GXYLT2: variants seen among roughly 807,000 people sequenced by gnomAD.
GXYLT2 encodes glycosyltransferase 8 domain containing 4.
A neutral mutation model predicts 45.8 loss-of-function variants in GXYLT2; 53 were observed. That is an observed-to-expected ratio of 1.16 (90% confidence interval 0.93 to 1.46). The LOEUF (loss-of-function observed/expected upper bound fraction) is 1.46. GXYLT2 is among the 40% of genes most tolerant of loss of function. The pLI, the probability that GXYLT2 is intolerant of heterozygous loss-of-function variation, is 0.00. For missense variants in GXYLT2, 551 were observed against 544.4 expected, an observed-to-expected ratio of 1.01 and a Z score of -0.12; for synonymous variants, 219 against 214.2, an observed-to-expected ratio of 1.02 and a Z score of -0.19.
intron 3 of GXYLT2, among the ~76,000 whole-genome samples, chr3:72,924,239 G>A (rs774277497): frequency 6.8e-6 from 1 of 148,082 alleles, no homozygotes; most frequent in Non-Finnish European, 1.5e-5. Context: ...TGTCGCCCCT[G>A]CTGGAGTGCA....
chr3:72,968,872 A>G (rs898598092), intron 6 of GXYLT2, among the ~76,000 whole-genome samples: 1 of 152,146 alleles, frequency 6.6e-6, no homozygotes. Context: ...CTTTCCTAAC[A>G]TGGTGAAACC....
At chr3:72,923,211 C>G in intron 3 of GXYLT2, among the ~76,000 whole-genome samples, 2 of 151,712 alleles carry the variant, frequency 1.3e-5, no homozygotes, top group Admixed American at 1.3e-4. Flanking sequence ...GCCAAGATCA[C>G]GCCACTGCAC....
chr3:72,974,935 C>T (rs752565617), intron 6 of GXYLT2, 42 bp from the exon 7 acceptor site: 1 of 1,391,134 alleles, frequency 7.2e-7, no homozygotes, highest in South Asian at 1.3e-5. Context: ...TTTAAAATGG[C>T]ATTTCCGTTA....
At chr3:72,891,937 G>A (rs1168346182) in intron 1 of GXYLT2, among the ~76,000 whole-genome samples, 2 of 151,924 alleles carry the variant, frequency 1.3e-5, no homozygotes, top group South Asian at 2.1e-4. Flanking sequence ...GATAAAATGA[G>A]AATTGTACTT....
chr3:72,966,298 GTTT>G lies in GXYLT2; in HGVS notation c.977-1238_977-1236del, dbSNP rs10575256. 3.2e-3 allele frequency among the ~76,000 whole-genome samples: 463 copies of G among 144,004 alleles called. 2 individuals carry two copies. Among genetic ancestry groups the G allele is most frequent in the Non-Finnish European group, 5.2e-3 (345 of 65,954 alleles). The allele number at this position is 144,004 out of a possible 152,430, so 94.5% of individuals were successfully genotyped here. A position where few individuals can be genotyped will look rare whatever the true frequency, so the allele number is the denominator to read the frequency against. ...CCAGCCGAAGGTGGGGGTTTTTGCTGTTTTTTTTTTTTTCTTTGGTTTTTTGTT... is the reference window on the plus strand; with the variant it reads ...CCAGCCGAAGGTGGGGGTTTTTGCTGTTTTTTTTTTCTTTGGTTTTTTGTT... On this transcript the variant is annotated intron_variant, in intron 5 of 6. Coordinates refer to ENST00000389617, the MANE Select transcript of GXYLT2 (RefSeq NM_001080393.2).
chr3:72,898,903 G>T (rs561931305), intron 1 of GXYLT2, among the ~76,000 whole-genome samples: 2 of 152,156 alleles, frequency 1.3e-5, no homozygotes, highest in Non-Finnish European at 1.5e-5. Flanking sequence ...GGCTAATTTT[G>T]TATTTTTAGT....
chr3:72,969,988 G>A (rs1710956323), intron 6 of GXYLT2, among the ~76,000 whole-genome samples: 1 of 149,280 alleles, frequency 6.7e-6, no homozygotes, highest in Admixed American at 6.8e-5. Context: ...AGGCTAAGAA[G>A]TGAGAGGATT....
intron 6 of GXYLT2, 43 bp downstream of exon 6, chr3:72,967,762 A>G (rs943031128): frequency 1.3e-6 from 2 of 1,561,498 alleles, no homozygotes; most frequent in African/African-American, 1.4e-5. Flanking sequence ...GCTTATCAGC[A>G]TGAAGCAATA....
intron 6 of GXYLT2, among the ~76,000 whole-genome samples, chr3:72,968,660 G>C (rs1405671191): frequency 2.0e-5 from 3 of 152,232 alleles, no homozygotes; most frequent in Admixed American, 2.0e-4. Flanking sequence ...GGATGCAGTG[G>C]CTCATGCCTG....
Position 72,957,334 on chromosome 3 carries a change from A to AT in GXYLT2, c.964dup (p.Tyr322LeufsTer31). On this transcript the variant is annotated frameshift_variant, in exon 5 of 7. Transcript: ENST00000389617. LOFTEE classifies it high-confidence loss of function. Reference sequence around the variant, plus strand: ...GGGAGACCAGGATTTATTAAATATTATTTTTTATTTCAACCCAGGTAGGTT... The same window carrying AT: ...GGGAGACCAGGATTTATTAAATATTATTTTTTTATTTCAACCCAGGTAGGTT... 6.2e-7 allele frequency: 1 copy of AT among 1,610,644 alleles called. No individual in the cohort carries two copies. The highest frequency in any genetic ancestry group is 1.1e-5 in the South Asian group (1 of 90,570).
intron 1 of GXYLT2, among the ~76,000 whole-genome samples, chr3:72,898,454 A>T (rs752868319): frequency 1.3e-5 from 2 of 152,238 alleles, no homozygotes; most frequent in Non-Finnish European, 1.5e-5. Context: ...GGAGAAATAG[A>T]ATCTCCTATA....
Position 72,955,157 on chromosome 3 carries a change from A to T in GXYLT2, c.660A>T (p.Arg220Ser), listed in dbSNP as rs775537773. ...LYVDTDVLFL[R>S]PVDDIWKLLR... ...TGGACACCGATGTCCTCTTTCTGAG[A>T]CCTGTTGATGACATCTGGAAGCTTC... The change falls in exon 4 of 7, where the codon AGA becomes AGT. Residue 220 changes from arginine to serine, a missense_variant. By Grantham distance (110) the Arg-to-Ser change is moderately radical. Coordinates refer to ENST00000389617, the MANE Select transcript of GXYLT2 (RefSeq NM_001080393.2). 8 of 1,613,708 alleles carry T rather than the reference A, an allele frequency of 5.0e-6. No individual in the cohort carries two copies. Among genetic ancestry groups the T allele is most frequent in the African/African-American group, 1.3e-5 (1 of 74,882 alleles).
rs938775459 is a variant in GXYLT2 at position 72,924,309 on chromosome 3, C to T, written c.600+1974C>T. On this transcript the variant is annotated intron_variant, in intron 3 of 6. Transcript: ENST00000389617. ...CCTGGGCTTAAGTGATCCTCCCACCCGAGCCTCACAAGTAGCTGGGACTAC... is the reference window on the plus strand; with the variant it reads ...CCTGGGCTTAAGTGATCCTCCCACCTGAGCCTCACAAGTAGCTGGGACTAC... 6.6e-5 allele frequency among the ~76,000 whole-genome samples: 10 copies of T among 151,550 alleles called. No individual in the cohort carries two copies. In the South Asian group the frequency reaches 8.3e-4, roughly 13 times the overall value.
chr3:72,955,102 T>C lies in GXYLT2; in HGVS notation c.605T>C (p.Ile202Thr), dbSNP rs1173453242. The change falls in exon 4 of 7, where the codon ATT (isoleucine) becomes ACT (threonine). Residue 202 changes from isoleucine to threonine, a missense_variant. Ile to Thr is a moderately conservative substitution (Grantham distance 89). Transcript: ENST00000389617. ...CAAQRLFLPV[I>T]LKDVDSLLYV... ...ACCCACTCCTTACACACAAAGGTGA[T>C]TTTAAAGGATGTGGACTCACTTCTC... 2 of 1,613,642 alleles carry C rather than the reference T, an allele frequency of 1.2e-6. No individual in the cohort carries two copies. The highest frequency in any genetic ancestry group is 8.5e-7 in the Non-Finnish European group (1 of 1,179,660).
intron 5 of GXYLT2, among the ~76,000 whole-genome samples, chr3:72,961,207 C>T (rs1185941140): frequency 1.3e-5 from 2 of 152,138 alleles, no homozygotes; most frequent in African/African-American, 2.4e-5. Flanking sequence ...TGAGTTCACA[C>T]TCTTAAAGGT....
At chr3:72,959,511 T>A (rs114289308) in intron 5 of GXYLT2, among the ~76,000 whole-genome samples, 3,056 of 152,288 alleles carry the variant, frequency 0.02, 106 homozygotes, top group African/African-American at 0.07. Context: ...TCTTCCGGCC[T>A]CGGCCTCCCA....
chr3:72,964,317 CT>C lies in GXYLT2; in HGVS notation c.977-3221del, dbSNP rs537084305. Reference sequence around the variant, plus strand: ...TTGCAAAGAGAGAAAAGGTTTCTCTCTTTTTTTTTCTTTTCTTTTTTTTGAG... The same window carrying C: ...TTGCAAAGAGAGAAAAGGTTTCTCTCTTTTTTTTCTTTTCTTTTTTTTGAG... On this transcript the variant is annotated intron_variant, in intron 5 of 6. Coordinates refer to ENST00000389617, the MANE Select transcript of GXYLT2 (RefSeq NM_001080393.2). Among the ~76,000 whole-genome samples, 411 of 151,204 alleles carry C rather than the reference CT, an allele frequency of 2.7e-3. 1 individual carries two copies. The highest frequency in any genetic ancestry group is 7.7e-3 in the African/African-American group (319 of 41,182).
intron 1 of GXYLT2, among the ~76,000 whole-genome samples, chr3:72,907,554 A>G (rs576408567): frequency 1.1e-4 from 16 of 152,158 alleles, no homozygotes; most frequent in Non-Finnish European, 2.1e-4. Flanking sequence ...GCTTGGCTGC[A>G]TCCCTTCGTC....
At chr3:72,925,251 G>A (rs550971641) in intron 3 of GXYLT2, among the ~76,000 whole-genome samples, 3 of 151,650 alleles carry the variant, frequency 2.0e-5, no homozygotes, top group African/African-American at 7.3e-5. Context: ...CCACCTCCTG[G>A]GTTCAAACAA....
Sources: gnomAD v4.1 joint callset for allele counts (sites outside exome capture counted in the v4.1 genomes callset) on GRCh38, gnomAD v4.1.1 for gene constraint, MANE v1.5 for transcripts, NCBI Gene and HGNC (gene_info 2026-07-23, HGNC 2026-07-21) for gene names.